MYO6: variants seen among roughly 807,000 people sequenced by gnomAD.
MYO6 encodes the protein unconventional myosin-VI.
Under a neutral mutation model 178.7 loss-of-function variants are expected in MYO6, and 74 were observed. That is an observed-to-expected ratio of 0.41 (90% confidence interval 0.34 to 0.50). MYO6 has a LOEUF of 0.50. MYO6 is among the 20% of genes least tolerant of loss of function. The probability of loss-of-function intolerance (pLI) is 0.09; values close to 1 mark genes in which losing one functional copy is unlikely to be tolerated. For missense variants in MYO6, 1,330 were observed against 1,547.4 expected (o/e 0.86, Z 2.36); for synonymous variants, 477 against 504.6 (o/e 0.95, Z 0.73).
chr6:75,896,941 G>T (rs1779353700), intron 29 of MYO6, among the ~76,000 whole-genome samples: 1 of 152,234 alleles, frequency 6.6e-6, no homozygotes, highest in Non-Finnish European at 1.5e-5. Context: ...AAGCACCTGG[G>T]TGCAGGAACC....
chr6:75,749,913 G>C (rs527390352), intron 1 of MYO6, among the ~76,000 whole-genome samples: 3 of 152,112 alleles, frequency 2.0e-5, no homozygotes, highest in Admixed American at 1.3e-4. Flanking sequence ...AGTACCTTGA[G>C]TATGTTAATT....
chr6:75,839,225 G>T (rs979648320), intron 7 of MYO6, among the ~76,000 whole-genome samples: 1 of 151,682 alleles, frequency 6.6e-6, no homozygotes, highest in African/African-American at 2.4e-5. Context: ...GAGTATCGCT[G>T]TCTCCCAGGC....
chr6:75,880,296 A>G (rs1777909281), intron 22 of MYO6, among the ~76,000 whole-genome samples, 176 bp downstream of exon 22: 1 of 152,218 alleles, frequency 6.6e-6, no homozygotes, highest in Non-Finnish European at 1.5e-5. Context: ...TGAGAGGAAG[A>G]TAATTATATA....
chr6:75,880,328 C>G (rs1777911816), intron 22 of MYO6, among the ~76,000 whole-genome samples: 1 of 152,122 alleles, frequency 6.6e-6, no homozygotes, highest in Admixed American at 6.5e-5. Context: ...ATTTGTTTAG[C>G]TTTACTCATA....
chr6:75,888,096 C>T (rs1460303348), intron 25 of MYO6, among the ~76,000 whole-genome samples: 1 of 151,610 alleles, frequency 6.6e-6, no homozygotes, highest in Non-Finnish European at 1.5e-5. Flanking sequence ...TTGAGACCAG[C>T]CCAGCCAACA....
intron 1 of MYO6, among the ~76,000 whole-genome samples, chr6:75,804,117 C>T (rs1160545234): frequency 6.6e-6 from 1 of 152,194 alleles, no homozygotes. Context: ...TGGCTTTGAA[C>T]TCTTGGACTC....
chr6:75,917,463 A>G lies in MYO6; in HGVS notation c.*2451A>G, dbSNP rs1781179697. ...GAGATATGTATTATGAGTTATGGGA[A>G]CTAATTGAGAAAAGGAAGTTACTCT... is the stretch of plus-strand genomic sequence containing the variant. On this transcript the variant is annotated 3_prime_UTR_variant, in exon 35 of 35. Transcript: ENST00000369977. 1 of 152,468 alleles carries G rather than the reference A, an allele frequency of 6.6e-6. No individual in the cohort carries two copies. The highest frequency in any genetic ancestry group is 1.5e-5 in the Non-Finnish European group (1 of 68,034). 9.4% of individuals were successfully genotyped at this position (152,468 alleles called of 1,614,324 possible).
At chr6:75,832,144 A>G (rs184422790) in intron 5 of MYO6, among the ~76,000 whole-genome samples, 2 of 152,314 alleles carry the variant, frequency 1.3e-5, no homozygotes, top group Admixed American at 6.5e-5. Context: ...CTTAACATTT[A>G]ATACAGTTTA....
At chr6:75,851,960 G>GAC (rs913248672) in intron 11 of MYO6, among the ~76,000 whole-genome samples, 2 of 152,076 alleles carry the variant, frequency 1.3e-5, no homozygotes, top group African/African-American at 4.8e-5. Context: ...ACTGCATTGG[G>GAC]ACTGCCTATG....
Position 75,761,934 on chromosome 6 carries a change from CT to C in MYO6, c.-48+12526del, listed in dbSNP as rs530262512. On this transcript the variant is annotated intron_variant, in intron 1 of 34. Transcript: ENST00000369977. Reference sequence around the variant, plus strand: ...CTAGCACAGTATAATTGTAACAGTTCTTTTTTTTTTTTTTTAAGACAGAGTC... The same window carrying C: ...CTAGCACAGTATAATTGTAACAGTTCTTTTTTTTTTTTTTAAGACAGAGTC... 6.5e-3 allele frequency among the ~76,000 whole-genome samples: 909 copies of C among 139,304 alleles called. 5 individuals carry two copies. Among genetic ancestry groups the C allele is most frequent in the Middle Eastern group, 0.025 (7 of 282 alleles). The allele number at this position is 139,304 out of a possible 152,430, so 91.4% of individuals were successfully genotyped here.
chr6:75,898,923 AT>A (rs1473620260), intron 30 of MYO6, among the ~76,000 whole-genome samples: 10 of 152,182 alleles, frequency 6.6e-5, no homozygotes, highest in African/African-American at 2.2e-4. Context: ...ATAAATGGAT[AT>A]GATTCACTAA....
intron 1 of MYO6, among the ~76,000 whole-genome samples, chr6:75,757,275 A>G (rs534168139): frequency 4.7e-5 from 7 of 148,632 alleles, no homozygotes; most frequent in African/African-American, 1.5e-4. Flanking sequence ...GTATATAGAC[A>G]TATACACAAT....
intron 20 of MYO6, among the ~76,000 whole-genome samples, chr6:75,875,256 T>G (rs973504671): frequency 6.6e-6 from 1 of 152,202 alleles, no homozygotes; most frequent in African/African-American, 2.4e-5. Context: ...TACTAAATTT[T>G]AAATTTTGTT....
chr6:75,889,996 C>A, intron 25 of MYO6, 61 bp from the exon 26 acceptor site: 3 of 1,148,496 alleles, frequency 2.6e-6, no homozygotes, highest in Admixed American at 1.7e-5. Context: ...TAAGTATATT[C>A]ACATTGTTGT....
intron 1 of MYO6, among the ~76,000 whole-genome samples, chr6:75,750,097 C>CTTT (rs200110417): frequency 3.1e-4 from 43 of 137,916 alleles, no homozygotes; most frequent in Non-Finnish European, 3.3e-4. Context: ...AATTCATTAC[C>CTTT]TTTTTTTTTT....
chr6:75,884,012 T>G (rs1245081739), intron 23 of MYO6, among the ~76,000 whole-genome samples: 1 of 152,196 alleles, frequency 6.6e-6, no homozygotes, highest in Non-Finnish European at 1.5e-5. Flanking sequence ...ATTTTCCAAA[T>G]AAAATACAGA....
intron 6 of MYO6, among the ~76,000 whole-genome samples, chr6:75,835,642 G>A (rs906441413): frequency 3.9e-5 from 6 of 152,084 alleles, no homozygotes; most frequent in Admixed American, 2.6e-4. Flanking sequence ...ATGTTGGCCA[G>A]GCTGGTCTCG....
intron 18 of MYO6, among the ~76,000 whole-genome samples, chr6:75,868,408 A>G (rs1397510487): frequency 5.3e-5 from 8 of 151,946 alleles, no homozygotes; most frequent in East Asian, 3.9e-4. Flanking sequence ...GTCATTCACT[A>G]TTTTCCTACT....
chr6:75,824,864 ATTC>A (rs1028911648), intron 3 of MYO6, among the ~76,000 whole-genome samples: 3 of 151,808 alleles, frequency 2.0e-5, no homozygotes, highest in Admixed American at 2.0e-4. Flanking sequence ...GGTTCCAGCA[ATTC>A]TTCTGCTTCA....
Sources: gnomAD v4.1 joint callset for allele counts (sites outside exome capture counted in the v4.1 genomes callset) on GRCh38, gnomAD v4.1.1 for gene constraint, MANE v1.5 for transcripts, NCBI Gene and HGNC (gene_info 2026-07-23, HGNC 2026-07-21) for gene names.